The following CDC14A variants were observed in gnomAD, a reference collection of about 807,000 sequenced individuals.
CDC14A encodes the protein cell division cycle 14A, also known as dual specificity protein phosphatase CDC14A.
CDC14A carries 53 observed loss-of-function variants against 74.4 expected under a neutral mutation model. That is an observed-to-expected ratio of 0.71 (90% CI 0.57 to 0.89). The LOEUF is 0.89. Among genes scored for constraint, CDC14A ranks in the 40% least tolerant of loss-of-function variants. CDC14A has a pLI of 0.00. For synonymous variants in CDC14A, 247 were observed against 258.4 expected (o/e 0.96, Z 0.43); for missense variants, 646 against 713.7 (o/e 0.91, Z 1.08).
At chr1:100,347,569 T>C (rs1650533879), upstream of CDC14A, among the ~76,000 whole-genome samples, 1 of 152,280 alleles carries the variant, frequency 6.6e-6, no homozygotes, top group South Asian at 2.1e-4. Flanking sequence ...GAACCGTTTA[T>C]GAGTCATGCT....
rs1353505952 is a variant in CDC14A, at chr1:100,352,685, T to TGCAGCAGCC, written c.-268_-260dup. The TGCAGCAGCC allele has an allele frequency of 1.5e-6, 2 of 1,318,974 alleles. No homozygotes were observed. The highest frequency in any genetic ancestry group is 2.9e-4 in the Middle Eastern group (1 of 3,426). 81.7% of individuals were successfully genotyped at this position (1,318,974 alleles called of 1,614,324 possible). On this transcript the variant is annotated 5_prime_UTR_variant, in exon 1 of 16. Coordinates refer to ENST00000336454, the MANE Select transcript of CDC14A (RefSeq NM_003672.4). ...GGCGCGGCGGCGGCGGAGCAGCAGC[T>TGCAGCAGCC]GCAGCAGCCGAGTCCAAATAGGAGC... is the stretch of plus-strand genomic sequence containing the variant.
upstream of CDC14A, among the ~76,000 whole-genome samples, chr1:100,347,863 G>A (rs1650564349): frequency 6.6e-6 from 1 of 152,170 alleles, no homozygotes; most frequent in African/African-American, 2.4e-5. Context: ...AACTAAAAGA[G>A]TATGTTCTAA....
rs754007075 is a variant in CDC14A, at chr1:100,377,566, C to T, written c.161C>T (p.Pro54Leu). 1.8e-5 allele frequency: 29 copies of T among 1,612,872 alleles called. No homozygotes were observed. Among genetic ancestry groups the T allele is most frequent in the African/African-American group, 2.7e-5 (2 of 74,832 alleles). ...CTTAGTTTCTATGCAGATTTTGGAC[C>T]GCTGAACTTGGCAATGGTGTACAGA... Reference protein sequence around the residue: ...VYENFYADFGPLNLAMVYRYC... With the variant: ...VYENFYADFGLLNLAMVYRYC... The change falls in exon 3 of 16, where the codon CCG becomes CTG. Residue 54 changes from proline (P) to leucine (L), a missense_variant. By Grantham distance (98) the Pro-to-Leu change is moderately conservative. Transcript: ENST00000336454.
At chr1:100,509,710 A>C (rs1649555702) in intron 15 of CDC14A, among the ~76,000 whole-genome samples, 1 of 152,262 alleles carries the variant, frequency 6.6e-6, no homozygotes, top group Non-Finnish European at 1.5e-5. Flanking sequence ...CGTAACAGAA[A>C]CCTTTGGTAA....
chr1:100,463,056 T>G lies in CDC14A; in HGVS notation c.838+175T>G. 5.0e-6 allele frequency: 3 copies of G among 599,892 alleles called. No individual in the cohort carries two copies. In the South Asian group the frequency reaches 6.0e-5, roughly 12 times the overall value. 37.2% of individuals were successfully genotyped at this position (599,892 alleles called of 1,614,324 possible). A position where few individuals can be genotyped will look rare whatever the true frequency, so the allele number is the denominator to read the frequency against. The stretch of plus-strand genomic sequence containing the variant: ...AACCCCTTCTTAAAGAAACGATTGC[T>G]TGGGTGTGGACAATTGGTGGTGGTG... On this transcript the variant is annotated intron_variant, in intron 9 of 15. Coordinates refer to ENST00000336454, the MANE Select transcript of CDC14A (RefSeq NM_003672.4).
chr1:100,499,364 C>T, intron 15 of CDC14A, 102 bp downstream of exon 15: 5 of 1,611,990 alleles, frequency 3.1e-6, no homozygotes, highest in Non-Finnish European at 4.2e-6. Context: ...TTAATAGTGC[C>T]AAGGAAGCCT....
intron 10 of CDC14A, among the ~76,000 whole-genome samples, chr1:100,481,324 A>G (rs1669451910): frequency 6.6e-6 from 1 of 152,128 alleles, no homozygotes; most frequent in Non-Finnish European, 1.5e-5. Flanking sequence ...TGGAAGAAGG[A>G]TAAAGATAAA....
Position 100,518,156 on chromosome 1 carries a change from T to C in CDC14A, c.1756-95T>C. The C allele has an allele frequency of 4.5e-6, 4 of 892,384 alleles. No individual in the cohort carries two copies. In the East Asian group the frequency reaches 7.6e-5, roughly 17 times the overall value. The allele number at this position is 892,384 out of a possible 1,614,324, so 55.3% of individuals were successfully genotyped here. ...TGGCTTAGTTTATTTCATTGATCTC[T>C]AAGCTGTCTTGTGTGGAAGGGAGAA... On this transcript the variant is annotated intron_variant, in intron 15 of 15. Coordinates refer to ENST00000336454, the MANE Select transcript of CDC14A (RefSeq NM_003672.4).
At chr1:100,403,420 T>C (rs1477838857) in intron 4 of CDC14A, among the ~76,000 whole-genome samples, 1 of 152,214 alleles carries the variant, frequency 6.6e-6, no homozygotes, top group Admixed American at 6.5e-5. Flanking sequence ...ATCCAGAAGG[T>C]TCTTGAATGT....
chr1:100,442,981 A>G lies in CDC14A; in HGVS notation c.504A>G (p.Glu168=). The change falls in exon 7 of 16, where the codon GAA becomes GAG. Residue 168 remains glutamate (E), a synonymous_variant. Coordinates refer to ENST00000336454, the MANE Select transcript of CDC14A (RefSeq NM_003672.4). Reference sequence around the variant, plus strand: ...ACTTTGAGACATTTGATGTGGATGAATATGAACATTATGAGGTTTGTACAT... The same window carrying G: ...ACTTTGAGACATTTGATGTGGATGAGTATGAACATTATGAGGTTTGTACAT... ...FFDFETFDVD[E]YEHYERVENG... is the part of the protein sequence containing the mutation. The G allele has an allele frequency of 6.3e-7, 1 of 1,595,050 alleles. No homozygotes were observed. Among genetic ancestry groups the G allele is most frequent in the Non-Finnish European group, 8.6e-7 (1 of 1,163,506 alleles).
chr1:100,442,351 C>G (rs1216132769), intron 6 of CDC14A, among the ~76,000 whole-genome samples: 2 of 142,540 alleles, frequency 1.4e-5, no homozygotes, highest in African/African-American at 5.1e-5. Context: ...TATAAATATA[C>G]TATATTATAT....
At chr1:100,375,645 A>G (rs1381402151) in intron 2 of CDC14A, among the ~76,000 whole-genome samples, 1 of 152,186 alleles carries the variant, frequency 6.6e-6, no homozygotes, top group East Asian at 1.9e-4. Flanking sequence ...AAGTCAGGAA[A>G]CAACAGGTGC....
chr1:100,513,830 C>T (rs1375896215), intron 15 of CDC14A, among the ~76,000 whole-genome samples: 1 of 152,124 alleles, frequency 6.6e-6, no homozygotes, highest in African/African-American at 2.4e-5. Context: ...GATCTCCTTA[C>T]CTAACACTTT....
At chr1:100,504,860 C>T in intron 15 of CDC14A, 2 of 1,535,646 alleles carry the variant, frequency 1.3e-6, no homozygotes, top group Non-Finnish European at 1.7e-6. Context: ...CTTGGAAGCC[C>T]CCTGCTCTCC....
intron 8 of CDC14A, 53 bp downstream of exon 8, chr1:100,455,545 A>G (rs1666603169): frequency 3.1e-6 from 3 of 981,908 alleles, no homozygotes; most frequent in East Asian, 4.8e-5. Flanking sequence ...TTATCTTTCT[A>G]AGTTTCTTAA....
chr1:100,510,044 G>A (rs1649595403), intron 15 of CDC14A, among the ~76,000 whole-genome samples: 1 of 151,134 alleles, frequency 6.6e-6, no homozygotes, highest in Non-Finnish European at 1.5e-5. Context: ...TTCCTATTAG[G>A]AACCTCGTTT....
intron 15 of CDC14A, among the ~76,000 whole-genome samples, chr1:100,499,730 C>T (rs990680424): frequency 2.0e-5 from 3 of 152,080 alleles, no homozygotes; most frequent in Non-Finnish European, 2.9e-5. Flanking sequence ...AGTATTGAAA[C>T]GTGGAAGGTG....
intron 15 of CDC14A, among the ~76,000 whole-genome samples, chr1:100,503,374 C>T (rs898675183): frequency 6.6e-6 from 1 of 152,108 alleles, no homozygotes; most frequent in Non-Finnish European, 1.5e-5. Context: ...CTCCCAGAAC[C>T]TTTAAGAAAG....
chr1:100,361,170 T>C (rs906706320), intron 2 of CDC14A, among the ~76,000 whole-genome samples: 2 of 151,982 alleles, frequency 1.3e-5, no homozygotes, highest in African/African-American at 4.8e-5. Context: ...CACAAAACTC[T>C]TGACACATTT....
Sources: allele counts gnomAD v4.1 joint callset (sites outside exome capture counted in the v4.1 genomes callset), GRCh38; gene constraint gnomAD v4.1.1; transcripts MANE v1.5; gene names NCBI Gene and HGNC (gene_info 2026-07-23, HGNC 2026-07-21).